The following EIF4H variants were observed in gnomAD, a reference collection of about 807,000 sequenced individuals.
EIF4H encodes the protein eukaryotic translation initiation factor 4H.
EIF4H carries 8 observed loss-of-function variants against 30.6 expected under a neutral mutation model. The observed-to-expected ratio is 0.26, with a 90% CI of 0.15 to 0.47. The LOEUF (loss-of-function observed/expected upper bound fraction) is 0.47, where lower values mean the gene tolerates loss of function less well. Among genes scored for constraint, EIF4H ranks in the 20% least tolerant of loss-of-function variants. EIF4H has a pLI of 0.99. For missense variants in EIF4H, 188 were observed against 339.5 expected, an observed-to-expected ratio of 0.55 and a Z score of 3.51; for synonymous variants, 106 against 122.7, an observed-to-expected ratio of 0.86 and a Z score of 0.90.
chr7:74,176,736 T>TC (rs1476121890), intron 1 of EIF4H, among the ~76,000 whole-genome samples: 93 of 152,286 alleles, frequency 6.1e-4, no homozygotes, highest in Non-Finnish European at 7.8e-4. Flanking sequence ...ACTGCTTTTT[T>TC]CCCCCGAGCC....
Position 74,195,606 on chromosome 7 carries a change from C to T in EIF4H, c.*298C>T, listed in dbSNP as rs1458769107. The T allele has an allele frequency of 7.4e-6, 2 of 268,934 alleles. No homozygotes were observed. The highest frequency in any genetic ancestry group is 9.1e-5 in the South Asian group (1 of 11,048). The allele number at this position is 268,934 out of a possible 1,614,324, so 16.7% of individuals were successfully genotyped here. On this transcript the variant is annotated 3_prime_UTR_variant, in exon 7 of 7. Coordinates refer to ENST00000265753, the MANE Select transcript of EIF4H (RefSeq NM_022170.2). Reference sequence around the variant, plus strand: ...TTTCCCAGCAGCACATGGGGTTCCTCGGAGGAGCAGAGGTGGCCGCCGTGG... The same window carrying T: ...TTTCCCAGCAGCACATGGGGTTCCTTGGAGGAGCAGAGGTGGCCGCCGTGG...
intron 1 of EIF4H, among the ~76,000 whole-genome samples, chr7:74,185,796 G>A (rs1554709092): frequency 6.6e-6 from 1 of 151,968 alleles, no homozygotes; most frequent in East Asian, 1.9e-4. Flanking sequence ...CAGGTCTTGG[G>A]TTGTTGTGAA....
At position 74,187,516 on chromosome 7, in the gene EIF4H, G is replaced by A. The variant is rs1801112802; in HGVS notation, c.60-95G>A. The A allele has an allele frequency of 4.7e-6, 6 of 1,276,766 alleles. No homozygotes were observed. In the Admixed American group the frequency reaches 7.9e-5, roughly 17 times the overall value. The allele number at this position is 1,276,766 out of a possible 1,614,324, so 79.1% of individuals were successfully genotyped here. On this transcript the variant is annotated intron_variant, in intron 1 of 6. Coordinates refer to ENST00000265753, the MANE Select transcript of EIF4H (RefSeq NM_022170.2). ...GTACATCGAGCAGAGTGCCTCACCT[G>A]GGGCGCTGGCGGCGTAGCTCAGCGG... is the stretch of plus-strand genomic sequence containing the variant.
chr7:74,179,402 C>T (rs782807598), intron 1 of EIF4H, among the ~76,000 whole-genome samples: 7 of 152,244 alleles, frequency 4.6e-5, no homozygotes, highest in African/African-American at 7.2e-5. Flanking sequence ...GAGGCCAAGG[C>T]GGGCGGATTA....
intron 4 of EIF4H, 62 bp from the exon 5 acceptor site, chr7:74,190,185 T>A: frequency 6.5e-7 from 1 of 1,534,540 alleles, no homozygotes; most frequent in South Asian, 1.1e-5. Context: ...AATGAATTTT[T>A]CCATGTTTGC....
chr7:74,177,981 C>T (rs982778638), intron 1 of EIF4H, among the ~76,000 whole-genome samples: 20 of 152,158 alleles, frequency 1.3e-4, no homozygotes, highest in African/African-American at 4.8e-4. Context: ...CCTTCTGTCA[C>T]CCAGGCTGGA....
In EIF4H at chr7:74,184,138, AACT is replaced by A. The variant is rs1554708861; in HGVS notation, c.60-3472_60-3470del. 4.6e-5 allele frequency among the ~76,000 whole-genome samples: 7 copies of A among 152,274 alleles called. No homozygotes were observed. In the East Asian group the frequency reaches 1.3e-3, roughly 29 times the overall value. ...AGGTGCTGCCATTTGGTAACGTGCC[AACT>A]TTTCAAAAATGGTTTGCCCCAAACT... On this transcript the variant is annotated intron_variant, in intron 1 of 6. Coordinates refer to ENST00000265753, the MANE Select transcript of EIF4H (RefSeq NM_022170.2).
intron 5 of EIF4H, among the ~76,000 whole-genome samples, chr7:74,190,775 C>A (rs1423276076): frequency 6.6e-6 from 1 of 152,014 alleles, no homozygotes; most frequent in African/African-American, 2.4e-5. Flanking sequence ...CTTCGCCGTT[C>A]TCTTTCTTAG....
At chr7:74,193,386 C>T (rs1357552026) in intron 5 of EIF4H, among the ~76,000 whole-genome samples, 1 of 152,144 alleles carries the variant, frequency 6.6e-6, no homozygotes, top group Non-Finnish European at 1.5e-5. Flanking sequence ...TGGGATTACA[C>T]ATGAATTTTA....
intron 5 of EIF4H, among the ~76,000 whole-genome samples, chr7:74,190,962 T>C (rs2115984693): frequency 6.6e-6 from 1 of 152,302 alleles, no homozygotes; most frequent in South Asian, 2.1e-4. Flanking sequence ...CCCAGAAAGG[T>C]AGGAAGAGAA....
rs556167786 is a variant in EIF4H at position 74,196,648 on chromosome 7, G to A, written c.*1340G>A. ...GCAGGAGCCTGGGAAAGAGGCCCTC[G>A]CCAGGTGATGGCAGGGCCAGGGTGG... is the stretch of plus-strand genomic sequence containing the variant. On this transcript the variant is annotated 3_prime_UTR_variant, in exon 7 of 7. Transcript: ENST00000265753. 7.3e-5 allele frequency: 11 copies of A among 151,450 alleles called. No homozygotes were observed. Among genetic ancestry groups the A allele is most frequent in the Non-Finnish European group, 1.3e-4 (9 of 67,876 alleles). The allele number at this position is 151,450 out of a possible 1,614,324, so 9.4% of individuals were successfully genotyped here.
In EIF4H at chr7:74,174,387, G is replaced by A. The variant is rs782473933; in HGVS notation, c.4G>A (p.Ala2Thr). 1.4e-6 allele frequency: 2 copies of A among 1,459,974 alleles called. No homozygotes were observed. Among genetic ancestry groups the A allele is most frequent in the South Asian group, 1.4e-5 (1 of 73,382 alleles). 90.4% of individuals were successfully genotyped at this position (1,459,974 alleles called of 1,614,324 possible). Reference protein sequence around the residue: MADFDTYDDRAY... With the variant: MTDFDTYDDRAY... ...CCTCTCGGAGCGGAGACGGCAAATG[G>A]CGGACTTCGACACCTACGACGATCG... is the stretch of plus-strand genomic sequence containing the variant. The change falls in exon 1 of 7, where the codon GCG becomes ACG. Residue 2 changes from alanine (A) to threonine (T), a missense_variant. By Grantham distance (58) the Ala-to-Thr change is moderately conservative. Around this residue, in one of 4 missense-constraint regions of EIF4H, gnomAD observed 43 missense variants for 43.4 expected, o/e 0.99. Transcript: ENST00000265753.
At chr7:74,188,727 AG>A (rs1240594308) in intron 2 of EIF4H, among the ~76,000 whole-genome samples, 1 of 152,188 alleles carries the variant, frequency 6.6e-6, no homozygotes, top group African/African-American at 2.4e-5. Context: ...CAGTCGCTGC[AG>A]GCTTTGGAGT....
Position 74,194,996 on chromosome 7 carries a change from C to T in EIF4H, c.607+118C>T. ...ACAGAGTTGTCGGCATAGATCCCCA[C>T]GTTCTCTGGAATAGCAAGTTCACCT... On this transcript the variant is annotated intron_variant, in intron 6 of 6. Transcript: ENST00000265753. 14 of 1,500,804 alleles carry T rather than the reference C, an allele frequency of 9.3e-6. No homozygotes were observed. In the South Asian group the frequency reaches 1.1e-4, roughly 11 times the overall value. 93.0% of individuals were successfully genotyped at this position (1,500,804 alleles called of 1,614,324 possible). A position where few individuals can be genotyped will look rare whatever the true frequency, so the allele number is the denominator to read the frequency against.
At chr7:74,184,789 C>CT (rs1801046049) in intron 1 of EIF4H, among the ~76,000 whole-genome samples, 1 of 152,170 alleles carries the variant, frequency 6.6e-6, no homozygotes, top group East Asian at 1.9e-4. Flanking sequence ...TCACTGCAAG[C>CT]TCCACCTCAG....
intron 5 of EIF4H, 68 bp from the exon 6 acceptor site, chr7:74,194,673 A>G: frequency 2.7e-6 from 4 of 1,478,194 alleles, no homozygotes; most frequent in Non-Finnish European, 3.6e-6. Context: ...AATTCCCAGA[A>G]CATTATTCTA....
chr7:74,183,739 T>A (rs1360927296), intron 1 of EIF4H: 1 of 152,110 alleles, frequency 6.6e-6, no homozygotes, highest in African/African-American at 2.4e-5. Flanking sequence ...ATCTGTGTCA[T>A]CCTATGTGAT....
intron 1 of EIF4H, among the ~76,000 whole-genome samples, chr7:74,185,021 CCTT>C (rs1168753048): frequency 1.3e-5 from 2 of 151,872 alleles, no homozygotes; most frequent in African/African-American, 4.8e-5. Flanking sequence ...GAGACAGTCT[CCTT>C]CTGTCACCCA....
At chr7:74,193,183 T>G (rs1801263579) in intron 5 of EIF4H, among the ~76,000 whole-genome samples, 1 of 152,198 alleles carries the variant, frequency 6.6e-6, no homozygotes, top group African/African-American at 2.4e-5. Flanking sequence ...CACTTCACAC[T>G]GCACCTGGGG....
Sources: allele counts gnomAD v4.1 joint callset (sites outside exome capture counted in the v4.1 genomes callset), GRCh38; gene constraint gnomAD v4.1.1; regional missense constraint gnomAD v4.1.1; transcripts MANE v1.5; gene names NCBI Gene and HGNC (gene_info 2026-07-23, HGNC 2026-07-21).